Variants in MGAM2 observed in about 807,000 individuals in gnomAD.
MGAM2 encodes maltase-glucoamylase 2 (putative), also known as probable maltase-glucoamylase 2.
A neutral mutation model predicts 96.1 loss-of-function variants in MGAM2; 98 were observed. The ratio of observed to expected loss-of-function variants is 1.02; its 90% CI spans 0.87 to 1.21. MGAM2 has a LOEUF of 1.21. MGAM2 is among the 50% of genes most tolerant of loss of function. The pLI is 0.00. For missense variants in MGAM2, 2,055 were observed against 1,182.4 expected, an observed-to-expected ratio of 1.74 and a Z score of -10.82; for synonymous variants, 749 against 414.8, an observed-to-expected ratio of 1.81 and a Z score of -9.79.
At chr7:142,115,901 G>T (rs1182960399) in intron 1 of MGAM2, among the ~76,000 whole-genome samples, 1 of 152,048 alleles carries the variant, frequency 6.6e-6, no homozygotes, top group Non-Finnish European at 1.5e-5. Flanking sequence ...ACAGTAAAAG[G>T]ACATTGCTCA....
intron 46 of MGAM2, among the ~76,000 whole-genome samples, chr7:142,214,000 A>G (rs939768552): frequency 6.6e-6 from 1 of 152,246 alleles, no homozygotes; most frequent in Non-Finnish European, 1.5e-5. Flanking sequence ...AGGCTGGTTC[A>G]ACATATGCAA....
intron 3 of MGAM2, among the ~76,000 whole-genome samples, chr7:142,125,321 G>A (rs1794701912): frequency 6.6e-6 from 1 of 152,058 alleles, no homozygotes; most frequent in Admixed American, 6.5e-5. Flanking sequence ...GATAATTTGG[G>A]GTCTGGGATA....
Position 142,172,831 on chromosome 7 carries a change from CT to C in MGAM2, c.3561+68del. On this transcript the variant is annotated intron_variant, in intron 30 of 47. Coordinates refer to ENST00000477922, the MANE Select transcript of MGAM2 (RefSeq NM_001293626.2). ...ATTGGCTATTACCACATTATTAGCACTGAGATAGGGCAGTTTTTTCTTTTGA... is the reference window on the plus strand; with the variant it reads ...ATTGGCTATTACCACATTATTAGCACGAGATAGGGCAGTTTTTTCTTTTGA... The C allele has an allele frequency of 4.8e-6, 3 of 628,740 alleles. No homozygotes were observed. In the South Asian group the frequency reaches 5.6e-5, roughly 12 times the overall value. 38.9% of individuals were successfully genotyped at this position (628,740 alleles called of 1,614,324 possible).
rs1795990857 is a variant in MGAM2, at chr7:142,165,035, T to A, written c.2652+12T>A. 8.6e-6 allele frequency: 6 copies of A among 693,764 alleles called. No individual in the cohort carries two copies. The highest frequency in any genetic ancestry group is 2.3e-4 in the Middle Eastern group (1 of 4,332). 43.0% of individuals were successfully genotyped at this position (693,764 alleles called of 1,614,324 possible). ...ATGCTTCCACAAAGGTAAGAGATCCTTCCATTCTGCAGGGCCCTTTCCAGA... is the reference window on the plus strand; with the variant it reads ...ATGCTTCCACAAAGGTAAGAGATCCATCCATTCTGCAGGGCCCTTTCCAGA... On this transcript the variant is annotated intron_variant, in intron 24 of 47. Transcript: ENST00000477922.
rs573645079 is a variant in MGAM2 at position 142,204,144 on chromosome 7, A to G, written c.5137+4176A>G. On this transcript the variant is annotated intron_variant, in intron 45 of 47. Transcript: ENST00000477922. ...CTCTATATAATTACCATTTACTTAG[A>G]TCTTTAATTACTCTTAGCAATGTTT... is the stretch of plus-strand genomic sequence containing the variant. Among the ~76,000 whole-genome samples, 416 of 151,924 alleles carry G rather than the reference A, an allele frequency of 2.7e-3. 7 individuals are homozygous for G. Among genetic ancestry groups the G allele is most frequent in the Middle Eastern group, 3.4e-3 (1 of 294 alleles).
chr7:142,219,466 T>C (rs1425033645), intron 47 of MGAM2, among the ~76,000 whole-genome samples: 2 of 152,222 alleles, frequency 1.3e-5, no homozygotes, highest in Non-Finnish European at 2.9e-5. Flanking sequence ...TTAAAAACTC[T>C]ATGGCATATC....
chr7:142,204,970 C>A (rs927843318), intron 45 of MGAM2, among the ~76,000 whole-genome samples: 2 of 152,088 alleles, frequency 1.3e-5, no homozygotes, highest in African/African-American at 4.8e-5. Context: ...TTATTAAATG[C>A]ATTTTAATAT....
chr7:142,112,938 C>T (rs1817223439), intron 1 of MGAM2, among the ~76,000 whole-genome samples: 1 of 152,188 alleles, frequency 6.6e-6, no homozygotes, highest in African/African-American at 2.4e-5. Flanking sequence ...AACCTCGTGT[C>T]TCCAAGGGCT....
At chr7:142,193,728 C>T (rs991705670) in intron 37 of MGAM2, among the ~76,000 whole-genome samples, 1 of 152,154 alleles carries the variant, frequency 6.6e-6, no homozygotes, top group Non-Finnish European at 1.5e-5. Context: ...TGCAGGTTTC[C>T]CTTCCCAGTC....
intron 32 of MGAM2, among the ~76,000 whole-genome samples, chr7:142,181,818 T>C (rs1190215526): frequency 2.6e-5 from 4 of 152,168 alleles, no homozygotes; most frequent in African/African-American, 7.2e-5. Context: ...GCAGCTGATA[T>C]GGTGCCATGA....
Position 142,220,444 on chromosome 7 carries a change from C to G in MGAM2, c.5933C>G (p.Pro1978Arg). The change falls in exon 48 of 48, where the codon CCT (proline) becomes CGT (arginine). Residue 1978 changes from proline (P) to arginine (R), a missense_variant. Coordinates refer to ENST00000477922, the MANE Select transcript of MGAM2 (RefSeq NM_001293626.2). ...TTTASTNATI[P>R]ITTTPFATST... is the part of the protein sequence containing the mutation. ...ACTGCTAGCACTAATGCTACTATTC[C>G]TATCACAACCACACCTTTTGCAACA... 1 of 702,512 alleles carries G rather than the reference C, an allele frequency of 1.4e-6. No individual in the cohort carries two copies. 43.5% of individuals were successfully genotyped at this position (702,512 alleles called of 1,614,324 possible).
At position 142,164,842 on chromosome 7, in the gene MGAM2, T is replaced by G. The variant is rs1180512466; in HGVS notation, c.2485-14T>G. On this transcript the variant is annotated splice_polypyrimidine_tract_variant and intron_variant, in intron 23 of 47. Transcript: ENST00000477922. ...GTACCTGGTTTCCAATCTGACTTTT[T>G]TTTCCCCTCCCAGAACCATCTACAA... is the stretch of plus-strand genomic sequence containing the variant. The G allele has an allele frequency of 1.9e-5, 13 of 675,784 alleles. No homozygotes were observed. The highest frequency in any genetic ancestry group is 3.5e-5 in the Non-Finnish European group (13 of 374,486). 41.9% of individuals were successfully genotyped at this position (675,784 alleles called of 1,614,324 possible).
Position 142,116,979 on chromosome 7 carries a change from G to C in MGAM2, c.106G>C (p.Asp36His), listed in dbSNP as rs76198742. The change falls in exon 2 of 48, where the codon GAT (aspartate) becomes CAT (histidine). Residue 36 changes from aspartate to histidine, a missense_variant and splice_region_variant. Transcript: ENST00000477922. ...GCTTCTTGTGTTGGAGGAAACTTCA[G>C]GTAAGGGAGATGCTTGTAGGTTGGA... ...LLLLVLEETS[D>H]TSFTPECPEI... 1 of 703,054 alleles carries C rather than the reference G, an allele frequency of 1.4e-6. No homozygotes were observed. Among genetic ancestry groups the C allele is most frequent in the Admixed American group, 2.0e-5 (1 of 50,006 alleles). The allele number at this position is 703,054 out of a possible 1,614,324, so 43.6% of individuals were successfully genotyped here. A position where few individuals can be genotyped will look rare whatever the true frequency, so the allele number is the denominator to read the frequency against.
chr7:142,214,638 A>G (rs953839537), intron 46 of MGAM2, among the ~76,000 whole-genome samples: 6 of 152,198 alleles, frequency 3.9e-5, no homozygotes, highest in African/African-American at 1.4e-4. Context: ...CCACTACTCA[A>G]GGATATAAGA....
rs1201106032 is a variant in MGAM2 at position 142,220,926 on chromosome 7, A to G, written c.6415A>G (p.Asn2139Asp). The change falls in exon 48 of 48, where the codon AAT (asparagine) becomes GAT (aspartate). Residue 2139 changes from asparagine to aspartate, a missense_variant. Transcript: ENST00000477922. ...TGATGTTAGCACTAGTACTACTATT[A>G]ATAATATAAGTACTCCTGTTCAAAC... ...TTDVSTSTTI[N>D]NISTPVQTNT... is the part of the protein sequence containing the mutation. The G allele has an allele frequency of 2.9e-6, 2 of 701,706 alleles. No individual in the cohort carries two copies. The highest frequency in any genetic ancestry group is 5.2e-6 in the Non-Finnish European group (2 of 384,652). 43.5% of individuals were successfully genotyped at this position (701,706 alleles called of 1,614,324 possible). A position where few individuals can be genotyped will look rare whatever the true frequency, so the allele number is the denominator to read the frequency against.
chr7:142,196,287 G>C lies in MGAM2; in HGVS notation c.4480G>C (p.Gly1494Arg). 6 of 750,092 alleles carry C rather than the reference G, an allele frequency of 8.0e-6. No individual in the cohort carries two copies. The highest frequency in any genetic ancestry group is 1.4e-5 in the Non-Finnish European group (6 of 420,156). The allele number at this position is 750,092 out of a possible 1,614,324, so 46.5% of individuals were successfully genotyped here. A position where few individuals can be genotyped will look rare whatever the true frequency, so the allele number is the denominator to read the frequency against. Residue 1494 changes from glycine (G) to arginine (R), a missense_variant and splice_region_variant, in exon 38 of 48, where the codon GGC becomes CGC. Physicochemically the swap from Gly to Arg is moderately radical, Grantham distance 125. Coordinates refer to ENST00000477922, the MANE Select transcript of MGAM2 (RefSeq NM_001293626.2). Reference protein sequence around the residue: ...AWDQLGKSIIGMMEFSLFGIP... With the variant: ...AWDQLGKSIIRMMEFSLFGIP... ...GGACCAGCTGGGGAAATCTATCATT[G>C]GTGTGTGGGCTCATTCCCAGGGGCC...
intron 12 of MGAM2, among the ~76,000 whole-genome samples, chr7:142,142,271 T>C (rs138244249): frequency 8.5e-4 from 129 of 152,304 alleles, no homozygotes; most frequent in Middle Eastern, 3.4e-3. Flanking sequence ...TCTAAAATAT[T>C]AGATAAGCCC....
chr7:142,118,651 A>G (rs951785887), intron 2 of MGAM2, among the ~76,000 whole-genome samples: 3 of 152,186 alleles, frequency 2.0e-5, no homozygotes, highest in Non-Finnish European at 4.4e-5. Flanking sequence ...TGTATTTCCA[A>G]TGGGGCCAAT....
At chr7:142,153,960 G>T in intron 15 of MGAM2, 58 bp from the exon 16 acceptor site, 1 of 508,846 alleles carries the variant, frequency 2.0e-6, no homozygotes, top group South Asian at 3.4e-5. Context: ...CTTATTGTAA[G>T]GTGAGTCCTA....
Sources: gnomAD v4.1 joint callset for allele counts (sites outside exome capture counted in the v4.1 genomes callset) on GRCh38, gnomAD v4.1.1 for gene constraint, MANE v1.5 for transcripts, NCBI Gene and HGNC (gene_info 2026-07-23, HGNC 2026-07-21) for gene names.